The following ITGA7 variants were observed in gnomAD, a reference collection of about 807,000 sequenced individuals.
ITGA7 encodes integrin alpha-7.
Under a neutral mutation model 131.6 loss-of-function variants are expected in ITGA7, and 84 were observed. The observed-to-expected ratio is 0.64, with a 90% CI of 0.54 to 0.77. The LOEUF (loss-of-function observed/expected upper bound fraction) is 0.77, where lower values mean the gene tolerates loss of function less well. Among genes scored for constraint, ITGA7 ranks in the 30% least tolerant of loss-of-function variants. The pLI, the probability that ITGA7 is intolerant of heterozygous loss-of-function variation, is 0.00. For missense variants in ITGA7, 1,399 were observed against 1,482.9 expected, an observed-to-expected ratio of 0.94 and a Z score of 0.93; for synonymous variants, 548 against 600.7, an observed-to-expected ratio of 0.91 and a Z score of 1.28.
chr12:55,711,123 T>C (rs1195354999), upstream of ITGA7, among the ~76,000 whole-genome samples: 1 of 152,204 alleles, frequency 6.6e-6, no homozygotes, highest in African/African-American at 2.4e-5. Context: ...ATGTCACCAT[T>C]AGGGGAAACT....
At chr12:55,716,129 C>T (rs746864087), upstream of ITGA7, 13 of 1,610,686 alleles carry the variant, frequency 8.1e-6, no homozygotes, top group East Asian at 1.6e-4. Context: ...CCCAGCCCGA[C>T]GTGACCATGC....
At chr12:55,689,176 A>C (rs972790730) in intron 21 of ITGA7, among the ~76,000 whole-genome samples, 10 of 152,254 alleles carry the variant, frequency 6.6e-5, no homozygotes, top group Non-Finnish European at 1.3e-4. Context: ...ACTTGACAGC[A>C]CAGGCAGAGT....
intron 24 of ITGA7, 88 bp downstream of exon 24, chr12:55,687,883 T>C: frequency 6.4e-7 from 1 of 1,558,888 alleles, no homozygotes; most frequent in South Asian, 1.1e-5. Context: ...AATACATGAG[T>C]GTGTGGGTGG....
rs1415067891 is a variant in ITGA7 at position 55,697,281 on chromosome 12, CG to C, written c.1506-5del. On this transcript the variant is annotated splice_polypyrimidine_tract_variant and splice_region_variant and intron_variant, in intron 10 of 24. Coordinates refer to ENST00000257879, the MANE Select transcript of ITGA7 (RefSeq NM_002206.3). ...GAAACAGACCCTTAGGTCCACACTGCGGGGGCAAAGGTGGCTCCTGAGCCAA... is the reference window on the plus strand; with the variant it reads ...GAAACAGACCCTTAGGTCCACACTGCGGGGCAAAGGTGGCTCCTGAGCCAA... 6.3e-7 allele frequency: 1 copy of C among 1,591,562 alleles called. No homozygotes were observed. Among genetic ancestry groups the C allele is most frequent in the Non-Finnish European group, 8.6e-7 (1 of 1,169,090 alleles).
In ITGA7 at chr12:55,703,185, G is replaced by A. The variant is rs760317663; in HGVS notation, c.207-7C>T. On this transcript the variant is annotated splice_region_variant and splice_polypyrimidine_tract_variant and intron_variant, in intron 1 of 24. Transcript: ENST00000257879. ...GGGAGCACCCACCAGCAGCCTGCAA[G>A]ATGGGGCAGGGGCAGGGACAGGGAC... The A allele has an allele frequency of 1.2e-6, 2 of 1,608,308 alleles. No homozygotes were observed. The highest frequency in any genetic ancestry group is 1.3e-5 in the African/African-American group (1 of 75,018).
rs1343914358 is a variant in ITGA7, at chr12:55,701,041, C to A, written c.528G>T (p.Leu176Phe). 1 of 1,614,108 alleles carries A rather than the reference C, an allele frequency of 6.2e-7. No individual in the cohort carries two copies. The highest frequency in any genetic ancestry group is 2.2e-5 in the East Asian group (1 of 44,890). Residue 176 changes from leucine to phenylalanine, a missense_variant, in exon 4 of 25, where the codon TTG becomes TTT. Coordinates refer to ENST00000257879, the MANE Select transcript of ITGA7 (RefSeq NM_002206.3). ...LSQDLAIRDELDGGEWKFCEG... is the reference protein window; with the variant it reads ...LSQDLAIRDEFDGGEWKFCEG... ...CACAGAACTTCCATTCCCCACCATCCAACTCATCCCGGATGGCCAGGTCCT... is the reference window on the plus strand; with the variant it reads ...CACAGAACTTCCATTCCCCACCATCAAACTCATCCCGGATGGCCAGGTCCT...
upstream of ITGA7, among the ~76,000 whole-genome samples, chr12:55,708,937 C>T (rs1875761850): frequency 6.6e-6 from 1 of 152,174 alleles, no homozygotes; most frequent in African/African-American, 2.4e-5. Context: ...TGGGGGGACA[C>T]TTTCCAACTC....
In ITGA7 at chr12:55,693,225, C is replaced by T. The variant is rs1555160400; in HGVS notation, c.2628G>A (p.Leu876=). 2 of 1,614,064 alleles carry T rather than the reference C, an allele frequency of 1.2e-6. No homozygotes were observed. Among genetic ancestry groups the T allele is most frequent in the Non-Finnish European group, 1.7e-6 (2 of 1,179,982 alleles). The change falls in exon 20 of 25, where the codon CTG becomes CTA. Residue 876 remains leucine (L), a synonymous_variant. Transcript: ENST00000257879. The stretch of plus-strand genomic sequence containing the variant: ...CCTCCAGCTCAACCTGCATTGGGTA[C>T]AGCAACCACTTCCCATTGGCAATCT... The part of the protein sequence containing the change: ...PHEIANGKWL[L]YPMQVELEGG...
At chr12:55,696,169 G>A (rs1872579354) in intron 13 of ITGA7, 114 bp downstream of exon 13, 1 of 1,129,372 alleles carries the variant, frequency 8.9e-7, no homozygotes, top group South Asian at 1.3e-5. Flanking sequence ...AGGAATTACT[G>A]GAGTAGCATA....
At position 55,693,260 on chromosome 12, in the gene ITGA7, A is replaced by C; in HGVS notation, c.2593T>G (p.Trp865Gly). 6.2e-7 allele frequency: 1 copy of C among 1,614,072 alleles called. No individual in the cohort carries two copies. Among genetic ancestry groups the C allele is most frequent in the Non-Finnish European group, 8.5e-7 (1 of 1,180,006 alleles). Reference protein sequence around the residue: ...TLGSAFLNIMWPHEIANGKWL... With the variant: ...TLGSAFLNIMGPHEIANGKWL... ...TTCCCATTGGCAATCTCATGAGGCCACATGATGTTGAGGAAGGCAGAGCCC... is the reference window on the plus strand; with the variant it reads ...TTCCCATTGGCAATCTCATGAGGCCCCATGATGTTGAGGAAGGCAGAGCCC... Residue 865 changes from tryptophan (W) to glycine (G), a missense_variant, in exon 20 of 25, where the codon TGG (tryptophan) becomes GGG (glycine). Trp to Gly is a radical substitution (Grantham distance 184). Coordinates refer to ENST00000257879, the MANE Select transcript of ITGA7 (RefSeq NM_002206.3).
At chr12:55,712,008 G>A (rs1876161032), upstream of ITGA7, 1 of 1,400,510 alleles carries the variant, frequency 7.1e-7, no homozygotes, top group Non-Finnish European at 9.9e-7. Context: ...ATGTCCCAAG[G>A]TCAGGCTTTT....
chr12:55,713,751 G>C (rs905412020), upstream of ITGA7, among the ~76,000 whole-genome samples: 1 of 152,150 alleles, frequency 6.6e-6, no homozygotes, highest in Non-Finnish European at 1.5e-5. Flanking sequence ...TTTGCTTTAT[G>C]CTGCCACTTA....
rs763403941 is a variant in ITGA7, at chr12:55,698,029, G to T, written c.1193-3C>A. The T allele has an allele frequency of 9.9e-6, 16 of 1,613,946 alleles. No individual in the cohort carries two copies. The highest frequency in any genetic ancestry group is 1.4e-5 in the Non-Finnish European group (16 of 1,179,870). ...AAAGGGGGCACCCACTGCAATATCT[G>T]CAGGGCACAGGGAAAAGGCAGTCAC... is the stretch of plus-strand genomic sequence containing the variant. On this transcript the variant is annotated splice_region_variant and splice_polypyrimidine_tract_variant and intron_variant, in intron 7 of 24. Transcript: ENST00000257879.
upstream of ITGA7, chr12:55,712,477 C>T: frequency 3.4e-6 from 2 of 583,484 alleles, no homozygotes; most frequent in Non-Finnish European, 6.2e-6. Context: ...CCCAGCCAGT[C>T]AGTTTGGAGC....
intron 4 of ITGA7, 176 bp from the exon 5 acceptor site, chr12:55,700,165 G>A (rs1297960629): frequency 1.1e-5 from 16 of 1,462,422 alleles, no homozygotes; most frequent in African/African-American, 2.8e-5. Context: ...CAAGGTGAGA[G>A]ACAGAAACAG....
chr12:55,692,604 T>C (rs1592421088), intron 21 of ITGA7, among the ~76,000 whole-genome samples: 1 of 152,226 alleles, frequency 6.6e-6, no homozygotes, highest in South Asian at 2.1e-4. Context: ...TGTGAATCAA[T>C]TGCTTGGCTA....
At chr12:55,704,617 T>C (rs1212334981) in intron 1 of ITGA7, among the ~76,000 whole-genome samples, 1 of 152,222 alleles carries the variant, frequency 6.6e-6, no homozygotes, top group African/African-American at 2.4e-5. Flanking sequence ...GCAAGTCACA[T>C]GCATTATGTC....
chr12:55,710,459 G>GTTAAATT (rs1272493121), upstream of ITGA7, among the ~76,000 whole-genome samples: 249 of 152,146 alleles, frequency 1.6e-3, 3 homozygotes, highest in East Asian at 7.9e-3. Context: ...TTTCAGTCAA[G>GTTAAATT]AGCTTAGGAA....
chr12:55,696,287 G>GC lies in ITGA7; in HGVS notation c.1882dup (p.Ala628GlyfsTer12). On this transcript the variant is annotated frameshift_variant, in exon 13 of 25. Transcript: ENST00000257879. LOFTEE classifies it high-confidence loss of function. ...TAAACCAGAACCCATGCTCACCTCT[G>GC]CCCGCTGGGTGCTGGGCTGGTGGGC... The GC allele has an allele frequency of 6.4e-7, 1 of 1,570,114 alleles. No individual in the cohort carries two copies. The highest frequency in any genetic ancestry group is 8.6e-7 in the Non-Finnish European group (1 of 1,157,400).
Sources: allele counts gnomAD v4.1 joint callset (sites outside exome capture counted in the v4.1 genomes callset), GRCh38; gene constraint gnomAD v4.1.1; transcripts MANE v1.5; gene names NCBI Gene and HGNC (gene_info 2026-07-23, HGNC 2026-07-21).